Variants in AP3B1 observed in about 807,000 individuals in gnomAD.
AP3B1 encodes AP-3 complex subunit beta-1.
Under a neutral mutation model 132.5 loss-of-function variants are expected in AP3B1, and 61 were observed. The observed-to-expected ratio is 0.46, with a 90% CI of 0.37 to 0.57. AP3B1 has a LOEUF of 0.57. AP3B1 is among the 20% of genes least tolerant of loss of function. The pLI is 0.00. For synonymous variants in AP3B1, 388 were observed against 438.3 expected (o/e 0.89, Z 1.43); for missense variants, 1,120 against 1,289.4 (o/e 0.87, Z 2.01).
chr5:78,142,461 A>G (rs1753193154), intron 14 of AP3B1, among the ~76,000 whole-genome samples: 1 of 152,188 alleles, frequency 6.6e-6, no homozygotes, highest in Non-Finnish European at 1.5e-5. Context: ...CTTTTTATGA[A>G]GTCCTTTTAC....
At position 78,011,923 on chromosome 5, in the gene AP3B1, G is replaced by A. The variant is rs532202859; in HGVS notation, c.3131+3487C>T. The stretch of plus-strand genomic sequence containing the variant: ...AGAAAAGATCCTGAAAAATTAAATA[G>A]AACATAAGCCAGCCAAGAGTAACTT... On this transcript the variant is annotated intron_variant, in intron 26 of 26. Coordinates refer to ENST00000255194, the MANE Select transcript of AP3B1 (RefSeq NM_003664.5). Among the ~76,000 whole-genome samples, 5 of 152,164 alleles carry A rather than the reference G, an allele frequency of 3.3e-5. No individual in the cohort carries two copies. The South Asian group carries it at 1.0e-3, about 32-fold the overall frequency.
chr5:78,134,553 CTTTT>C (rs1055144488), intron 15 of AP3B1, among the ~76,000 whole-genome samples: 12 of 152,020 alleles, frequency 7.9e-5, no homozygotes, highest in East Asian at 1.9e-4. Context: ...TTCTTTCTTT[CTTTT>C]GAGATGGAGT....
chr5:78,095,890 A>G (rs537528393), intron 21 of AP3B1, among the ~76,000 whole-genome samples: 1 of 152,350 alleles, frequency 6.6e-6, no homozygotes, highest in African/African-American at 2.4e-5. Flanking sequence ...AAACAAAGAG[A>G]AACACTATAT....
At chr5:78,260,978 T>G (rs899275588) in intron 2 of AP3B1, among the ~76,000 whole-genome samples, 1 of 152,246 alleles carries the variant, frequency 6.6e-6, no homozygotes, top group African/African-American at 2.4e-5. Flanking sequence ...AACATTCCAT[T>G]GCACAGATGT....
chr5:78,128,971 G>T (rs1045461826), intron 16 of AP3B1, 150 bp downstream of exon 16: 1 of 661,178 alleles, frequency 1.5e-6, no homozygotes, highest in African/African-American at 1.8e-5. Flanking sequence ...GAGAGCAGAT[G>T]AATGAGTAGA....
chr5:78,067,755 C>A (rs1749352567), intron 22 of AP3B1, among the ~76,000 whole-genome samples: 1 of 151,972 alleles, frequency 6.6e-6, no homozygotes, highest in Admixed American at 6.6e-5. Flanking sequence ...TGGGATGCAG[C>A]CAAAGCAGTG....
rs957896833 is a variant in AP3B1 at position 78,124,496 on chromosome 5, G to A, written c.1968+3534C>T. 2.6e-5 allele frequency among the ~76,000 whole-genome samples: 4 copies of A among 152,108 alleles called. No individual in the cohort carries two copies. The East Asian group carries it at 7.7e-4, about 29-fold the overall frequency. Reference sequence around the variant, plus strand: ...GAGCTGAGGCAGGAGGATGGCTTGAGCCCAGGAGTTTGAGGCTGCAGTGAG... The same window carrying A: ...GAGCTGAGGCAGGAGGATGGCTTGAACCCAGGAGTTTGAGGCTGCAGTGAG... On this transcript the variant is annotated intron_variant, in intron 17 of 26. Coordinates refer to ENST00000255194, the MANE Select transcript of AP3B1 (RefSeq NM_003664.5).
chr5:78,000,667 C>T (rs1746181335), downstream of AP3B1: 1 of 152,108 alleles, frequency 6.6e-6, no homozygotes, highest in African/African-American at 2.4e-5. Flanking sequence ...CTATGAGAGC[C>T]ATTCTTCAAG....
chr5:78,130,539 C>G (rs920119965), intron 15 of AP3B1, among the ~76,000 whole-genome samples: 6 of 152,022 alleles, frequency 3.9e-5, no homozygotes, highest in African/African-American at 1.2e-4. Context: ...TAGAGCTATT[C>G]TGAATTTGGT....
intron 3 of AP3B1, among the ~76,000 whole-genome samples, chr5:78,238,133 G>C (rs1746961003): frequency 6.6e-6 from 1 of 152,170 alleles, no homozygotes; most frequent in South Asian, 2.1e-4. Context: ...ATTACCTCCT[G>C]AGCTCTGCCT....
chr5:78,154,143 T>C (rs1403385839), intron 14 of AP3B1, among the ~76,000 whole-genome samples: 1 of 152,244 alleles, frequency 6.6e-6, no homozygotes, highest in Non-Finnish European at 1.5e-5. Context: ...GGTCTGTTGC[T>C]GACAAAATCC....
chr5:78,028,069 T>A (rs930296852), intron 24 of AP3B1, among the ~76,000 whole-genome samples: 9 of 152,000 alleles, frequency 5.9e-5, no homozygotes, highest in Non-Finnish European at 1.2e-4. Flanking sequence ...GAGGTTGCAG[T>A]GAGCCAAGAT....
chr5:78,230,512 A>C (rs559922335), intron 3 of AP3B1, among the ~76,000 whole-genome samples: 2 of 152,306 alleles, frequency 1.3e-5, no homozygotes, highest in African/African-American at 4.8e-5. Context: ...TTAAAAACAA[A>C]ATCTAAAGCT....
At chr5:78,119,473 A>AC (rs1177001418) in intron 17 of AP3B1, among the ~76,000 whole-genome samples, 1 of 152,202 alleles carries the variant, frequency 6.6e-6, no homozygotes, top group African/African-American at 2.4e-5. Context: ...ACCTAGAATA[A>AC]CCAATGCAGA....
At chr5:78,015,328 A>T in intron 26 of AP3B1, 82 bp downstream of exon 26, 1 of 1,428,074 alleles carries the variant, frequency 7.0e-7, no homozygotes, top group Non-Finnish European at 9.7e-7. Context: ...TATTATTTCC[A>T]AAGAAAACAA....
At chr5:78,019,270 G>A (rs1022865200) in intron 25 of AP3B1, among the ~76,000 whole-genome samples, 2 of 152,122 alleles carry the variant, frequency 1.3e-5, no homozygotes, top group Non-Finnish European at 2.9e-5. Context: ...TGGCTAGTCA[G>A]CGAAAAATCC....
At chr5:78,269,746 C>T (rs1748472219) in intron 1 of AP3B1, among the ~76,000 whole-genome samples, 1 of 152,124 alleles carries the variant, frequency 6.6e-6, no homozygotes. Flanking sequence ...GTTACCAACC[C>T]ATGAGGAGAT....
rs181965631 is a variant in AP3B1, at chr5:78,110,287, T to A, written c.2317A>T (p.Ser773Cys). The change falls in exon 20 of 27, where the codon AGT becomes TGT. Residue 773 changes from serine to cysteine, a missense_variant. By Grantham distance (112) the Ser-to-Cys change is moderately radical. Around this residue, in one of 3 missense-constraint regions of AP3B1, gnomAD observed 906 missense variants for 997.1 expected, o/e 0.91. Transcript: ENST00000255194. ...TCGGAAGAACTGTCTTCTATTGAAC[T>A]AGATTCGTCATTTGAAGAATCTGAA... is the stretch of plus-strand genomic sequence containing the variant. Reference protein sequence around the residue: ...KTSDSSNDESSSIEDSSSDSE... With the variant: ...KTSDSSNDESCSIEDSSSDSE... 6 of 1,609,124 alleles carry A rather than the reference T, an allele frequency of 3.7e-6. No individual in the cohort carries two copies. The African/African-American group carries it at 8.0e-5, about 21-fold the overall frequency.
intron 3 of AP3B1, among the ~76,000 whole-genome samples, chr5:78,228,612 C>T (rs1746497012): frequency 6.6e-6 from 1 of 152,124 alleles, no homozygotes; most frequent in Non-Finnish European, 1.5e-5. Flanking sequence ...CCCAGCTACA[C>T]AGGAGGCTGA....
Sources: allele counts gnomAD v4.1 joint callset (sites outside exome capture counted in the v4.1 genomes callset), GRCh38; gene constraint gnomAD v4.1.1; regional missense constraint gnomAD v4.1.1; transcripts MANE v1.5; gene names NCBI Gene and HGNC (gene_info 2026-07-23, HGNC 2026-07-21).